Variants in ZCWPW1 observed in about 807,000 individuals in gnomAD.
The protein encoded by ZCWPW1 is zinc finger CW-type PWWP domain protein 1.
In ZCWPW1, 56 loss-of-function variants were observed where a neutral mutation model predicts 81.3. That is an observed-to-expected ratio of 0.69 (90% CI 0.56 to 0.86). The LOEUF is 0.86. Ranked by LOEUF, ZCWPW1 falls within the 40% of genes least tolerant of loss-of-function variation. The pLI is 0.00. For missense variants in ZCWPW1, 650 were observed against 769.8 expected (o/e 0.84, Z 1.84); for synonymous variants, 250 against 273.7 (o/e 0.91, Z 0.86).
At chr7:100,405,596 C>G (rs1792837777) in intron 12 of ZCWPW1, among the ~76,000 whole-genome samples, 1 of 152,120 alleles carries the variant, frequency 6.6e-6, no homozygotes, top group Non-Finnish European at 1.5e-5. Flanking sequence ...CATAACACCC[C>G]CCTTCCGTCT....
Position 100,405,023 on chromosome 7 carries a change from A to T in ZCWPW1, c.1244T>A (p.Ile415Asn), listed in dbSNP as rs777598413. 1 of 1,613,548 alleles carries T rather than the reference A, an allele frequency of 6.2e-7. No individual in the cohort carries two copies. The highest frequency in any genetic ancestry group is 1.7e-5 in the Admixed American group (1 of 60,004). The change falls in exon 13 of 18, where the codon ATC becomes AAC. Residue 415 changes from isoleucine (I) to asparagine (N), a missense_variant. Physicochemically the swap from Ile to Asn is moderately radical, Grantham distance 149. Transcript: ENST00000684423. ...ALMMAQEAEQISIQERVNLFG... is the reference protein window; with the variant it reads ...ALMMAQEAEQNSIQERVNLFG... The stretch of plus-strand genomic sequence containing the variant: ...TGAACACCCTCCCACCTGAATGCTG[A>T]TCTGTTCTGCCTCTTGAGCCATCAT...
chr7:100,410,430 G>C (rs1414467290), intron 8 of ZCWPW1, among the ~76,000 whole-genome samples: 1 of 152,076 alleles, frequency 6.6e-6, no homozygotes, highest in Non-Finnish European at 1.5e-5. Flanking sequence ...AGTCAGGCTG[G>C]CATTATCATT....
intron 2 of ZCWPW1, 126 bp from the exon 3 acceptor site, chr7:100,420,804 T>C: frequency 1.3e-6 from 1 of 789,968 alleles, no homozygotes; most frequent in Non-Finnish European, 2.0e-6. Flanking sequence ...CTTGACCTCC[T>C]CTGTGGTGCC....
In ZCWPW1 at chr7:100,420,609, A is replaced by G. The variant is rs761831017; in HGVS notation, c.28+13T>C. 2 of 1,613,848 alleles carry G rather than the reference A, an allele frequency of 1.2e-6. No individual in the cohort carries two copies. The highest frequency in any genetic ancestry group is 1.3e-5 in the African/African-American group (1 of 74,956). On this transcript the variant is annotated intron_variant, in intron 3 of 17. Coordinates refer to ENST00000684423, the MANE Select transcript of ZCWPW1 (RefSeq NM_001386010.1). ...GAAATGTATGAAGCGAACCTCCCTC[A>G]CTCTTGACTCACCTTCTTTATTCTG... is the stretch of plus-strand genomic sequence containing the variant.
chr7:100,414,164 CAA>C (rs567673576), intron 8 of ZCWPW1, among the ~76,000 whole-genome samples: 9 of 152,150 alleles, frequency 5.9e-5, no homozygotes, highest in Non-Finnish European at 1.0e-4. Flanking sequence ...GTCATTATAA[CAA>C]GAGGAATGGT....
rs183750082 is a variant in ZCWPW1, at chr7:100,420,216, T to C, written c.29-333A>G. On this transcript the variant is annotated intron_variant, in intron 3 of 17. Transcript: ENST00000684423. ...AACTGTATAATTTGCTCATTTTTAC[T>C]TTAGATAAAATGTTATGGAAAATTA... 2.6e-5 allele frequency among the ~76,000 whole-genome samples: 4 copies of C among 152,340 alleles called. No individual in the cohort carries two copies. In the East Asian group the frequency reaches 5.8e-4, roughly 22 times the overall value.
chr7:100,404,633 T>C (rs1792611181), intron 13 of ZCWPW1, among the ~76,000 whole-genome samples: 1 of 152,164 alleles, frequency 6.6e-6, no homozygotes, highest in Non-Finnish European at 1.5e-5. Context: ...GTGCTAGGAT[T>C]ACAGGCGTGA....
Position 100,408,673 on chromosome 7 carries a change from G to A in ZCWPW1, c.872-14C>T, listed in dbSNP as rs73401485. ...TATACTGCACATCTGCTGAAAGAGA[G>A]AAGGAATGAAGGGACAGGAAGAGAC... is the stretch of plus-strand genomic sequence containing the variant. On this transcript the variant is annotated splice_polypyrimidine_tract_variant and intron_variant, in intron 9 of 17. Transcript: ENST00000684423. 1.1e-3 allele frequency: 1,831 copies of A among 1,610,944 alleles called. 24 individuals are homozygous for A. In the African/African-American group the frequency reaches 0.023, roughly 20 times the overall value.
intron 15 of ZCWPW1, among the ~76,000 whole-genome samples, chr7:100,403,216 ATTT>A (rs11338339): frequency 2.8e-5 from 4 of 141,104 alleles, no homozygotes; most frequent in Non-Finnish European, 3.1e-5. Context: ...TGTCTAAACA[ATTT>A]TTTTTTTTTT....
At chr7:100,402,105 C>T (rs1792043303) in intron 16 of ZCWPW1, 64 bp from the exon 17 acceptor site, 1 of 1,536,184 alleles carries the variant, frequency 6.5e-7, no homozygotes, top group Admixed American at 2.0e-5. Context: ...CAGATGGACA[C>T]TGCACATTGA....
At chr7:100,422,193 G>A (rs1314267218) in intron 2 of ZCWPW1, among the ~76,000 whole-genome samples, 2 of 152,150 alleles carry the variant, frequency 1.3e-5, no homozygotes, top group African/African-American at 4.8e-5. Flanking sequence ...TCGATAAGTA[G>A]TAAAATCAGG....
At chr7:100,421,762 G>A (rs13242083) in intron 2 of ZCWPW1, among the ~76,000 whole-genome samples, 5 of 151,766 alleles carry the variant, frequency 3.3e-5, no homozygotes, top group African/African-American at 9.7e-5. Flanking sequence ...GTGCGATCTC[G>A]GTGCACCGCA....
chr7:100,426,495 A>G (rs1210412150), intron 1 of ZCWPW1, among the ~76,000 whole-genome samples: 3 of 150,628 alleles, frequency 2.0e-5, no homozygotes, highest in Non-Finnish European at 4.4e-5. Context: ...TCTGTCTCAA[A>G]AAAAAAAAAA....
intron 1 of ZCWPW1, among the ~76,000 whole-genome samples, chr7:100,428,274 T>G (rs1321339633): frequency 1.3e-5 from 2 of 151,934 alleles, no homozygotes; most frequent in Admixed American, 1.3e-4. Flanking sequence ...GAGGACGCCC[T>G]GAGCACTAGC....
intron 8 of ZCWPW1, among the ~76,000 whole-genome samples, chr7:100,410,401 C>T (rs1344319109): frequency 2.2e-4 from 33 of 152,172 alleles, no homozygotes; most frequent in Admixed American, 2.2e-3. Context: ...TCACACTCCC[C>T]ATGTCTCTTG....
Position 100,419,689 on chromosome 7 carries a change from T to G in ZCWPW1, c.223A>C (p.Arg75=), listed in dbSNP as rs757747749. 1 of 1,614,008 alleles carries G rather than the reference T, an allele frequency of 6.2e-7. No homozygotes were observed. Among genetic ancestry groups the G allele is most frequent in the African/African-American group, 1.3e-5 (1 of 74,910 alleles). ...EKATMKNVPS[R]EQEKKRKAQI... Reference sequence around the variant, plus strand: ...GCCTTTCTTTTTTTCTCCTGTTCCCTGCTTGGAACATTCTTCATGGTTGCT... The same window carrying G: ...GCCTTTCTTTTTTTCTCCTGTTCCCGGCTTGGAACATTCTTCATGGTTGCT... Residue 75 remains arginine, a synonymous_variant, in exon 4 of 18, where the codon AGG becomes CGG. Transcript: ENST00000684423.
Position 100,401,214 on chromosome 7 carries a change from A to G in ZCWPW1, c.1750T>C (p.Ser584Pro). 6.2e-7 allele frequency: 1 copy of G among 1,614,200 alleles called. No individual in the cohort carries two copies. Among genetic ancestry groups the G allele is most frequent in the South Asian group, 1.1e-5 (1 of 91,082 alleles). Residue 584 changes from serine to proline, a missense_variant, in exon 18 of 18, where the codon TCA (serine) becomes CCA (proline). Transcript: ENST00000684423. ...GLSACKGACP[S>P]SAKEEPRHRE... Reference sequence around the variant, plus strand: ...TGTCTGGGCTCTTCTTTCGCAGATGAGGGGCAGGCCCCCTTACACGCTGAT... The same window carrying G: ...TGTCTGGGCTCTTCTTTCGCAGATGGGGGGCAGGCCCCCTTACACGCTGAT...
chr7:100,403,648 A>G (rs1792388651), intron 15 of ZCWPW1, 46 bp downstream of exon 15: 1 of 1,531,974 alleles, frequency 6.5e-7, no homozygotes. Context: ...ACCTGGTGAA[A>G]CTCCATCTCT....
In ZCWPW1 at chr7:100,409,466, G is replaced by C. The variant is rs535083608; in HGVS notation, c.833C>G (p.Ser278Ter). The C allele has an allele frequency of 6.2e-7, 1 of 1,614,042 alleles. No homozygotes were observed. The change falls in exon 9 of 18, where the codon TCA (serine) becomes TGA (stop). Residue 278 changes from serine (S) to a stop codon, truncating the protein, a stop_gained. Coordinates refer to ENST00000684423, the MANE Select transcript of ZCWPW1 (RefSeq NM_001386010.1). LOFTEE classifies it high-confidence loss of function. ...WRRLCGNIDP[S>*]VLPDNWSCDQ... ...ACAGGACCAATTATCTGGGAGAACTGAGGGGTCAATGTTCCCACACAGCCG... is the reference window on the plus strand; with the variant it reads ...ACAGGACCAATTATCTGGGAGAACTCAGGGGTCAATGTTCCCACACAGCCG...
Sources: allele counts gnomAD v4.1 joint callset (sites outside exome capture counted in the v4.1 genomes callset), GRCh38; gene constraint gnomAD v4.1.1; transcripts MANE v1.5; gene names NCBI Gene and HGNC (gene_info 2026-07-23, HGNC 2026-07-21).